HCFC1: variants seen among roughly 807,000 people sequenced by gnomAD.
HCFC1 encodes the protein host cell factor C1.
Under a neutral mutation model 105.5 loss-of-function variants are expected in HCFC1, and 7 were observed. The ratio of observed to expected loss-of-function variants is 0.07; its 90% CI spans 0.04 to 0.12. The LOEUF is 0.12. Among genes scored for constraint, HCFC1 ranks in the 10% least tolerant of loss-of-function variants. The probability of loss-of-function intolerance (pLI) is 1.00; values close to 1 mark genes in which losing one functional copy is unlikely to be tolerated. For missense variants in HCFC1, 1,065 were observed against 1,823.6 expected (o/e 0.58, Z 7.58); for synonymous variants, 918 against 828.1 (o/e 1.11, Z -1.86).
Position 153,960,371 on chromosome X carries a change from G to A in HCFC1, c.948C>T (p.Asp316=), listed in dbSNP as rs1219701798. The A allele has an allele frequency of 2.5e-6, 3 of 1,204,268 alleles. No homozygotes were observed. Among genetic ancestry groups the A allele is most frequent in the Non-Finnish European group, 3.4e-6 (3 of 892,164 alleles). The change falls in exon 7 of 26, where the codon GAC becomes GAT. Residue 316 remains aspartate, a synonymous_variant. Transcript: ENST00000310441. ...WETILMDTLE[D]NIPRARAGHC... ...GGCCAGCCCGAGCACGGGGGATGTT[G>A]TCCTCCAGTGTATCCATCAGGATGG... is the stretch of plus-strand genomic sequence containing the variant.
At chrX:153,952,336 C>A (rs1557112823) in intron 19 of HCFC1, among the ~76,000 whole-genome samples, 178 bp from the exon 20 acceptor site, 1 of 113,886 alleles carries the variant, frequency 8.8e-6, no homozygotes, top group Non-Finnish European at 1.9e-5. Context: ...CCCCAGCCAG[C>A]CTGTTCTACA....
intron 1 of HCFC1, among the ~76,000 whole-genome samples, chrX:153,968,934 C>A (rs181142627): frequency 0.065 from 7,190 of 111,169 alleles, 572 homozygotes; most frequent in African/African-American, 0.23. Flanking sequence ...TGGGCTGGCG[C>A]GGGGCACCAC....
chrX:153,949,215 G>T lies in HCFC1; in HGVS notation c.*132C>A. 1 of 500,835 alleles carries T rather than the reference G, an allele frequency of 2.0e-6. No homozygotes were observed. The highest frequency in any genetic ancestry group is 3.1e-5 in the South Asian group (1 of 32,191). The allele number at this position is 500,835 out of a possible 1,213,427, so 41.3% of individuals were successfully genotyped here. On this transcript the variant is annotated 3_prime_UTR_variant, in exon 26 of 26. Coordinates refer to ENST00000310441, the MANE Select transcript of HCFC1 (RefSeq NM_005334.3). ...TTTTAAAAACAGAGAGAAAGAGAAA[G>T]GGGAGAGGAGTGAACAGCGGCTCGC...
In HCFC1 at chrX:153,952,227, G is replaced by T. The variant is rs370171875; in HGVS notation, c.4943-69C>A. 5 of 1,077,550 alleles carry T rather than the reference G, an allele frequency of 4.6e-6. No individual in the cohort carries two copies. In the Admixed American group the frequency reaches 2.0e-4, roughly 44 times the overall value. The allele number at this position is 1,077,550 out of a possible 1,213,427, so 88.8% of individuals were successfully genotyped here. ...CCAGAAGCGGGCAGCCCGGGCGGAG[G>T]CCCCCAAAGCCTGTCCTAGAGACCC... On this transcript the variant is annotated intron_variant, in intron 19 of 25. Transcript: ENST00000310441.
In HCFC1 at chrX:153,956,750, C is replaced by A; in HGVS notation, c.2510G>T (p.Gly837Val). ...GATGGTGCCTGGCTGTCCCGGGGCC[C>A]CCTTAAGCACCACCTGGAACACCAG... ...QQGVTQVVLKGAPGQPGTILR... is the reference protein window; with the variant it reads ...QQGVTQVVLKVAPGQPGTILR... The change falls in exon 15 of 26, where the codon GGG (glycine) becomes GTG (valine). Residue 837 changes from glycine (G) to valine (V), a missense_variant. Coordinates refer to ENST00000310441, the MANE Select transcript of HCFC1 (RefSeq NM_005334.3). The A allele has an allele frequency of 8.3e-7, 1 of 1,210,820 alleles. No individual in the cohort carries two copies. The highest frequency in any genetic ancestry group is 1.1e-6 in the Non-Finnish European group (1 of 895,471).
intron 1 of HCFC1, chrX:153,969,761 A>T (rs2065507904): frequency 8.8e-6 from 1 of 113,179 alleles, no homozygotes; most frequent in East Asian, 2.8e-4. Context: ...CCCCTTCCCA[A>T]CTAACGGGCT....
At chrX:153,951,798 G>A (rs1049071124) in intron 20 of HCFC1, 43 bp downstream of exon 20, 1 of 1,170,312 alleles carries the variant, frequency 8.5e-7, no homozygotes, top group African/African-American at 1.8e-5. Context: ...ACCTCCCTGG[G>A]TGCCCCCACC....
chrX:153,952,208 G>A, intron 19 of HCFC1, 50 bp from the exon 20 acceptor site: 1 of 1,082,920 alleles, frequency 9.2e-7, no homozygotes, highest in Non-Finnish European at 1.2e-6. Context: ...CTGGCCAGAA[G>A]CGGGCAGCCC....
rs782316961 is a variant in HCFC1, at chrX:153,955,556, C to A, written c.2857-14G>T. The A allele has an allele frequency of 8.6e-7, 1 of 1,162,614 alleles. No individual in the cohort carries two copies. Among genetic ancestry groups the A allele is most frequent in the Non-Finnish European group, 1.1e-6 (1 of 870,242 alleles). On this transcript the variant is annotated splice_polypyrimidine_tract_variant and intron_variant, in intron 16 of 25. Transcript: ENST00000310441. ...CTGGGACACGGGCTGGGGAGACACACGAGGAGGAGAGTTAGTGCTGCAGCT... is the reference window on the plus strand; with the variant it reads ...CTGGGACACGGGCTGGGGAGACACAAGAGGAGGAGAGTTAGTGCTGCAGCT...
At position 153,951,712 on chromosome X, in the gene HCFC1, GAAGA is replaced by G. The variant is rs782761454; in HGVS notation, c.5261-9_5261-6del. The stretch of plus-strand genomic sequence containing the variant: ...ATGTGTTGGATGGAGCCAGGCCTAG[GAAGA>G]AAGAAGGTGTCAGCGGGAAAGACTC... On this transcript the variant is annotated splice_polypyrimidine_tract_variant and splice_region_variant and intron_variant, in intron 20 of 25. Coordinates refer to ENST00000310441, the MANE Select transcript of HCFC1 (RefSeq NM_005334.3). The G allele has an allele frequency of 1.0e-5, 12 of 1,200,268 alleles. No homozygotes were observed. The African/African-American group carries it at 2.1e-4, about 21-fold the overall frequency.
At chrX:153,961,038 G>A (rs1427798026) in intron 6 of HCFC1, among the ~76,000 whole-genome samples, 1 of 112,730 alleles carries the variant, frequency 8.9e-6, no homozygotes, top group African/African-American at 3.2e-5. Flanking sequence ...GGATACTCAC[G>A]GAGCGGCGCC....
Position 153,951,713 on chromosome X carries a change from A to C in HCFC1, c.5261-6T>G. On this transcript the variant is annotated splice_region_variant and splice_polypyrimidine_tract_variant and intron_variant, in intron 20 of 25. Transcript: ENST00000310441. ...TGTGTTGGATGGAGCCAGGCCTAGG[A>C]AGAAAGAAGGTGTCAGCGGGAAAGA... 1.7e-6 allele frequency: 2 copies of C among 1,201,761 alleles called. No homozygotes were observed. Among genetic ancestry groups the C allele is most frequent in the East Asian group, 6.0e-5 (2 of 33,597 alleles).
chrX:153,966,482 T>C (rs1388404635), intron 1 of HCFC1, among the ~76,000 whole-genome samples: 4 of 112,396 alleles, frequency 3.6e-5, no homozygotes, highest in African/African-American at 1.3e-4. Flanking sequence ...CCTCTGCCTC[T>C]TTCTCATTCC....
intron 4 of HCFC1, among the ~76,000 whole-genome samples, chrX:153,962,732 C>T (rs1213381519): frequency 8.9e-6 from 1 of 112,075 alleles, no homozygotes; most frequent in Non-Finnish European, 1.9e-5. Context: ...ATCGCCATCT[C>T]CTCTCTCCCA....
chrX:153,949,331 G>A lies in HCFC1; in HGVS notation c.*16C>T, dbSNP rs781842596. The A allele has an allele frequency of 3.3e-6, 4 of 1,194,728 alleles. No homozygotes were observed. The highest frequency in any genetic ancestry group is 5.9e-5 in the East Asian group (2 of 33,662). ...GGGGGGTCTGGAGAAGAATCCAGGG[G>A]CTAGTCAGCTTCCTCTCACTGACCA... On this transcript the variant is annotated 3_prime_UTR_variant, in exon 26 of 26. Coordinates refer to ENST00000310441, the MANE Select transcript of HCFC1 (RefSeq NM_005334.3).
At chrX:153,949,476 G>A (rs2065289237) in intron 25 of HCFC1, 77 bp downstream of exon 25, 4 of 1,147,191 alleles carry the variant, frequency 3.5e-6, no homozygotes, top group Non-Finnish European at 4.8e-6. Context: ...GGGGCCCCCA[G>A]TCATTTGACA....
intron 16 of HCFC1, 94 bp downstream of exon 16, chrX:153,956,097 G>A (rs2065373602): frequency 1.2e-6 from 1 of 845,638 alleles, no homozygotes; most frequent in East Asian, 3.2e-5. Flanking sequence ...CGCAACACCA[G>A]GAAGGAAAGG....
rs1308271823 is a variant in HCFC1 at position 153,950,495 on chromosome X, C to T, written c.5752G>A (p.Gly1918Ser). The change falls in exon 24 of 26, where the codon GGC (glycine) becomes AGC (serine). Residue 1918 changes from glycine (G) to serine (S), a missense_variant. By Grantham distance (56) the Gly-to-Ser change is moderately conservative. Around this residue, in one of 17 missense-constraint regions of HCFC1, gnomAD observed 32 missense variants for 68.3 expected, o/e 0.47. Coordinates refer to ENST00000310441, the MANE Select transcript of HCFC1 (RefSeq NM_005334.3). ...TACACGGAGTACTCGATAATCTTGC[C>T]GGAGGTCACAGAGGGTGGCTCCCAG... ...LTWEPPSVTS[G>S]KIIEYSVYLA... The T allele has an allele frequency of 3.4e-6, 4 of 1,184,091 alleles. No individual in the cohort carries two copies. Among genetic ancestry groups the T allele is most frequent in the Non-Finnish European group, 3.4e-6 (3 of 880,184 alleles).
At chrX:153,951,756 C>A (rs1557112587) in intron 20 of HCFC1, 49 bp from the exon 21 acceptor site, 2 of 1,175,748 alleles carry the variant, frequency 1.7e-6, no homozygotes, top group Non-Finnish European at 2.3e-6. Context: ...AACCTGGCTC[C>A]CAAGTGAGAC....
Sources: allele counts gnomAD v4.1 joint callset (sites outside exome capture counted in the v4.1 genomes callset), GRCh38; gene constraint gnomAD v4.1.1; regional missense constraint gnomAD v4.1.1; transcripts MANE v1.5; gene names NCBI Gene and HGNC (gene_info 2026-07-23, HGNC 2026-07-21).